ANGPTL1: variants seen among roughly 807,000 people sequenced by gnomAD.
ANGPTL1 encodes angiopoietin like 1.
A neutral mutation model predicts 46.7 loss-of-function variants in ANGPTL1; 36 were observed. The ratio of observed to expected loss-of-function variants is 0.77; its 90% CI spans 0.59 to 1.02. The LOEUF (loss-of-function observed/expected upper bound fraction) is 1.02, where lower values mean the gene tolerates loss of function less well. Ranked by LOEUF, ANGPTL1 falls within the 50% of genes least tolerant of loss-of-function variation. ANGPTL1 has a pLI of 0.00. For synonymous variants in ANGPTL1, 221 were observed against 204.3 expected (o/e 1.08, Z -0.69); for missense variants, 571 against 594.7 (o/e 0.96, Z 0.41).
chr1:178,864,328 A>G (rs1021961481), intron 3 of ANGPTL1, among the ~76,000 whole-genome samples: 2 of 152,100 alleles, frequency 1.3e-5, no homozygotes, highest in African/African-American at 4.8e-5. Context: ...CACAGTACTA[A>G]TTGTTTAGCC....
In ANGPTL1 at chr1:178,860,738, G is replaced by T. The variant is rs2102321985; in HGVS notation, c.823+4216C>A. On this transcript the variant is annotated intron_variant, in intron 3 of 5. Transcript: ENST00000234816. ...CTAAACACCTCTTAAAATATACATT[G>T]TTGTATATTTTCACCTTATGCATGT... is the stretch of plus-strand genomic sequence containing the variant. Among the ~76,000 whole-genome samples the T allele has an allele frequency of 1.3e-5, 2 of 152,168 alleles. 1 individual carries two copies. The highest frequency in any genetic ancestry group is 4.2e-4 in the South Asian group (2 of 4,806).
At chr1:178,855,069 T>G (rs1300060453) in intron 3 of ANGPTL1, among the ~76,000 whole-genome samples, 1 of 152,110 alleles carries the variant, frequency 6.6e-6, no homozygotes, top group East Asian at 1.9e-4. Context: ...TATGTGAGAG[T>G]TTAGTCAAGT....
At chr1:178,869,929 AT>A (rs1382305084) in intron 1 of ANGPTL1, among the ~76,000 whole-genome samples, 1 of 152,064 alleles carries the variant, frequency 6.6e-6, no homozygotes, top group African/African-American at 2.4e-5. Flanking sequence ...TAACAAAATT[AT>A]TTCTACCTAA....
At chr1:178,860,225 ATAACAT>A (rs1657906099) in intron 3 of ANGPTL1, among the ~76,000 whole-genome samples, 1 of 152,170 alleles carries the variant, frequency 6.6e-6, no homozygotes, top group South Asian at 2.1e-4. Context: ...CAGGCACCAA[ATAACAT>A]TAATAGTTAA....
intron 3 of ANGPTL1, among the ~76,000 whole-genome samples, chr1:178,862,589 TTTTTTTTATTTATTTATTTA>T (rs1658103534): frequency 7.7e-6 from 1 of 129,424 alleles, no homozygotes; most frequent in African/African-American, 3.2e-5. Flanking sequence ...AGGAGTTGCA[TTTTTTTTATTTATTTATTTA>T]TTTATTTATT....
intron 3 of ANGPTL1, among the ~76,000 whole-genome samples, chr1:178,864,727 T>C (rs570622463): frequency 6.6e-6 from 1 of 152,272 alleles, no homozygotes; most frequent in Admixed American, 6.5e-5. Flanking sequence ...GATGGAAGAC[T>C]GGTTTTTTTC....
chr1:178,855,567 T>G (rs1430353021), intron 3 of ANGPTL1, among the ~76,000 whole-genome samples: 1 of 151,982 alleles, frequency 6.6e-6, no homozygotes, highest in East Asian at 1.9e-4. Flanking sequence ...TATGGTGTCT[T>G]TCCTGCGTTA....
chr1:178,860,996 A>G (rs1395063937), intron 3 of ANGPTL1, among the ~76,000 whole-genome samples: 1 of 152,208 alleles, frequency 6.6e-6, no homozygotes, highest in African/African-American at 2.4e-5. Flanking sequence ...GTAGTAATTT[A>G]ATTTAGTAAG....
At chr1:178,858,607 A>C (rs1192020427) in intron 3 of ANGPTL1, among the ~76,000 whole-genome samples, 1 of 152,194 alleles carries the variant, frequency 6.6e-6, no homozygotes, top group East Asian at 1.9e-4. Flanking sequence ...TTGAAGAACC[A>C]GTCTCTCTGT....
chr1:178,851,517 T>A (rs1310658544), intron 5 of ANGPTL1, among the ~76,000 whole-genome samples: 1 of 152,106 alleles, frequency 6.6e-6, no homozygotes, highest in Non-Finnish European at 1.5e-5. Context: ...TGCCTTTTTT[T>A]AACTCTTTGC....
At position 178,865,152 on chromosome 1, in the gene ANGPTL1, T is replaced by C. The variant is rs1237105661; in HGVS notation, c.625A>G (p.Thr209Ala). The change falls in exon 3 of 6, where the codon ACC (threonine) becomes GCC (alanine). Residue 209 changes from threonine to alanine, a missense_variant. By Grantham distance (58) the Thr-to-Ala change is moderately conservative. Coordinates refer to ENST00000234816, the MANE Select transcript of ANGPTL1 (RefSeq NM_004673.4). The part of the protein sequence containing the change: ...QCLRIFSRQD[T>A]HVSPPLVQVV... ...TGGACAAGTGGGGGAGACACATGGGTGTCTTGTCGGGAAAATATCCTCAAG... is the reference window on the plus strand; with the variant it reads ...TGGACAAGTGGGGGAGACACATGGGCGTCTTGTCGGGAAAATATCCTCAAG... The C allele has an allele frequency of 6.2e-7, 1 of 1,602,776 alleles. No individual in the cohort carries two copies. The highest frequency in any genetic ancestry group is 8.5e-7 in the Non-Finnish European group (1 of 1,172,760).
intron 3 of ANGPTL1, among the ~76,000 whole-genome samples, chr1:178,859,834 A>T (rs1230866492): frequency 2.6e-4 from 1 of 3,844 alleles, no homozygotes; most frequent in Non-Finnish European, 6.3e-4. Context: ...CCCCCCCCCC[A>T]ACCGCCCAAG....
At chr1:178,868,110 T>G (rs185536977) in intron 2 of ANGPTL1, among the ~76,000 whole-genome samples, 1 of 151,928 alleles carries the variant, frequency 6.6e-6, no homozygotes, top group Admixed American at 6.6e-5. Flanking sequence ...ACATGGGTAT[T>G]TTTTTTAGCT....
Position 178,865,106 on chromosome 1 carries a change from G to C in ANGPTL1, c.671C>G (p.Pro224Arg). Residue 224 changes from proline (P) to arginine (R), a missense_variant, in exon 3 of 6, where the codon CCT becomes CGT. By Grantham distance (103) the Pro-to-Arg change is moderately radical (BLOSUM62 -2). Coordinates refer to ENST00000234816, the MANE Select transcript of ANGPTL1 (RefSeq NM_004673.4). Reference protein sequence around the residue: ...PLVQVVPQHIPNSQQYTPGLL... With the variant: ...PLVQVVPQHIRNSQQYTPGLL... Reference sequence around the variant, plus strand: ...ACCAGGAGTATACTGTTGGCTGTTAGGAATATGTTGTGGCACCACCTGGAC... The same window carrying C: ...ACCAGGAGTATACTGTTGGCTGTTACGAATATGTTGTGGCACCACCTGGAC... 6.4e-7 allele frequency: 1 copy of C among 1,572,110 alleles called. No homozygotes were observed. Among genetic ancestry groups the C allele is most frequent in the Non-Finnish European group, 8.6e-7 (1 of 1,157,104 alleles).
Position 178,864,321 on chromosome 1 carries a change from A to G in ANGPTL1, c.823+633T>C, listed in dbSNP as rs115151251. 6.9e-3 allele frequency among the ~76,000 whole-genome samples: 1,056 copies of G among 152,258 alleles called. 9 individuals carry two copies. Among genetic ancestry groups the G allele is most frequent in the African/African-American group, 0.024 (977 of 41,560 alleles). ...AACATTTATATTTCTTAGGATACAC[A>G]GTACTAATTGTTTAGCCTTGGAAAA... On this transcript the variant is annotated intron_variant, in intron 3 of 5. Coordinates refer to ENST00000234816, the MANE Select transcript of ANGPTL1 (RefSeq NM_004673.4).
Position 178,865,124 on chromosome 1 carries a change from A to G in ANGPTL1, c.653T>C (p.Val218Ala). ...GCTGTTAGGAATATGTTGTGGCACC[A>G]CCTGGACAAGTGGGGGAGACACATG... is the stretch of plus-strand genomic sequence containing the variant. ...DTHVSPPLVQVVPQHIPNSQQ... is the reference protein window; with the variant it reads ...DTHVSPPLVQAVPQHIPNSQQ... The change falls in exon 3 of 6, where the codon GTG (valine) becomes GCG (alanine). Residue 218 changes from valine (V) to alanine (A), a missense_variant. Val to Ala is a moderately conservative substitution (Grantham distance 64). Transcript: ENST00000234816. 1.3e-6 allele frequency: 2 copies of G among 1,587,274 alleles called. No individual in the cohort carries two copies. The highest frequency in any genetic ancestry group is 1.7e-6 in the Non-Finnish European group (2 of 1,164,850).
intron 4 of ANGPTL1, 63 bp downstream of exon 4, chr1:178,853,531 T>C: frequency 1.6e-6 from 2 of 1,272,962 alleles, no homozygotes; most frequent in Non-Finnish European, 2.1e-6. Context: ...TAGCATCTTG[T>C]TTCTTGCATT....
At chr1:178,855,074 T>G (rs1657437948) in intron 3 of ANGPTL1, among the ~76,000 whole-genome samples, 1 of 152,152 alleles carries the variant, frequency 6.6e-6, no homozygotes. Flanking sequence ...GAGAGTTTAG[T>G]CAAGTAAAGT....
intron 4 of ANGPTL1, among the ~76,000 whole-genome samples, 174 bp downstream of exon 4, chr1:178,853,420 T>G (rs1446167032): frequency 6.6e-6 from 1 of 152,138 alleles, no homozygotes; most frequent in African/African-American, 2.4e-5. Context: ...GCAATTTAAT[T>G]TTGACTTTAA....
Sources: gnomAD v4.1 joint callset for allele counts (sites outside exome capture counted in the v4.1 genomes callset) on GRCh38, gnomAD v4.1.1 for gene constraint, MANE v1.5 for transcripts, NCBI Gene and HGNC (gene_info 2026-07-23, HGNC 2026-07-21) for gene names.